The following LAMC3 variants were observed in gnomAD, a reference collection of about 807,000 sequenced individuals.
LAMC3 encodes laminin subunit gamma-3.
Under a neutral mutation model 173.8 loss-of-function variants are expected in LAMC3, and 128 were observed. The observed-to-expected ratio is 0.74, with a 90% confidence interval of 0.64 to 0.85. The LOEUF is 0.85. Among genes scored for constraint, LAMC3 ranks in the 40% least tolerant of loss-of-function variants. The pLI is 0.00. For synonymous variants in LAMC3, 897 were observed against 909.1 expected, an observed-to-expected ratio of 0.99 and a Z score of 0.24; for missense variants, 2,022 against 2,156.0, an observed-to-expected ratio of 0.94 and a Z score of 1.23.
At chr9:131,044,552 T>A (rs781378352) in intron 7 of LAMC3, among the ~76,000 whole-genome samples, 1 of 152,136 alleles carries the variant, frequency 6.6e-6, no homozygotes, top group Non-Finnish European at 1.5e-5. Context: ...TCCGGCCTAT[T>A]CAGTGACTTG....
At chr9:131,072,912 G>A in intron 19 of LAMC3, 77 bp downstream of exon 19, 4 of 1,375,286 alleles carry the variant, frequency 2.9e-6, no homozygotes, top group Non-Finnish European at 4.1e-6. Flanking sequence ...CATTGACCTG[G>A]TGACCTTGGG....
intron 1 of LAMC3, among the ~76,000 whole-genome samples, chr9:131,017,049 G>A (rs1257723967): frequency 1.3e-5 from 2 of 152,216 alleles, no homozygotes; most frequent in South Asian, 2.1e-4. Context: ...GAAAGCGTGC[G>A]GAGCAAACAG....
Position 131,052,844 on chromosome 9 carries a change from C to A in LAMC3, c.1824-6C>A. Reference sequence around the variant, plus strand: ...GGGATCTCACTTTGACCGCTTCTCTCGCCAGCCTGCAGGAGACCTCCGAGG... The same window carrying A: ...GGGATCTCACTTTGACCGCTTCTCTAGCCAGCCTGCAGGAGACCTCCGAGG... On this transcript the variant is annotated splice_polypyrimidine_tract_variant and splice_region_variant and intron_variant, in intron 10 of 27. Transcript: ENST00000361069. The A allele has an allele frequency of 6.3e-7, 1 of 1,598,540 alleles. No homozygotes were observed. The highest frequency in any genetic ancestry group is 8.6e-7 in the Non-Finnish European group (1 of 1,166,616).
At chr9:131,079,530 T>C (rs963338550) in intron 23 of LAMC3, among the ~76,000 whole-genome samples, 53 of 151,946 alleles carry the variant, frequency 3.5e-4, no homozygotes, top group African/African-American at 1.2e-3. Flanking sequence ...CCATCTCTAC[T>C]AAAAATACAA....
chr9:131,084,685 C>T (rs1830299437), intron 24 of LAMC3, among the ~76,000 whole-genome samples: 1 of 151,880 alleles, frequency 6.6e-6, no homozygotes, highest in South Asian at 2.1e-4. Flanking sequence ...TCACTTAAAG[C>T]CAGGAATTTG....
In LAMC3 at chr9:131,009,426, G is replaced by C. The variant is rs1413696234; in HGVS notation, c.212G>C (p.Gly71Ala). 9.7e-6 allele frequency: 15 copies of C among 1,541,986 alleles called. No homozygotes were observed. Among genetic ancestry groups the C allele is most frequent in the Non-Finnish European group, 1.3e-5 (15 of 1,145,186 alleles). The change falls in exon 1 of 28, where the codon GGG (glycine) becomes GCG (alanine). Residue 71 changes from glycine (G) to alanine (A), a missense_variant. By Grantham distance (60) the Gly-to-Ala change is moderately conservative. Coordinates refer to ENST00000361069, the MANE Select transcript of LAMC3 (RefSeq NM_006059.4). This position sits in a 1 kb window ranked among gnomAD's most constrained non-coding sequence, Gnocchi z 4.3. ...FCPHVGAAGAGAHCQRCDAAD... is the reference protein window; with the variant it reads ...FCPHVGAAGAAAHCQRCDAAD... Reference sequence around the variant, plus strand: ...CCCCACGTGGGCGCCGCGGGCGCGGGGGCTCATTGCCAGCGCTGCGACGCC... The same window carrying C: ...CCCCACGTGGGCGCCGCGGGCGCGGCGGCTCATTGCCAGCGCTGCGACGCC...
At chr9:131,015,418 C>T (rs1446284726) in intron 1 of LAMC3, among the ~76,000 whole-genome samples, 3 of 152,276 alleles carry the variant, frequency 2.0e-5, no homozygotes, top group African/African-American at 4.8e-5. Flanking sequence ...CCCTTGTCCC[C>T]GGGCAAGCCC....
At position 131,040,430 on chromosome 9, in the gene LAMC3, C is replaced by T. The variant is rs141778213; in HGVS notation, c.1283+1182C>T. 3.3e-5 allele frequency among the ~76,000 whole-genome samples: 5 copies of T among 152,148 alleles called. No individual in the cohort carries two copies. In the South Asian group the frequency reaches 8.3e-4, roughly 25 times the overall value. The stretch of plus-strand genomic sequence containing the variant: ...CTGGGCTCAAGTAATCCACCCTCCT[C>T]GGCTTCCCAAAGTGCTGATTACAGA... On this transcript the variant is annotated intron_variant, in intron 6 of 27. Transcript: ENST00000361069.
chr9:131,051,447 C>G (rs1430586136), intron 9 of LAMC3, among the ~76,000 whole-genome samples: 1 of 147,284 alleles, frequency 6.8e-6, no homozygotes, highest in Non-Finnish European at 1.5e-5. Flanking sequence ...TCACTGCAAC[C>G]TCTGCCTTCT....
intron 1 of LAMC3, among the ~76,000 whole-genome samples, chr9:131,020,604 G>A (rs1444357679): frequency 6.6e-6 from 1 of 152,200 alleles, no homozygotes; most frequent in Non-Finnish European, 1.5e-5. Context: ...AAACATGACT[G>A]AGACATGACT....
At position 131,075,844 on chromosome 9, in the gene LAMC3, G is replaced by A. The variant is rs200194697; in HGVS notation, c.3508G>A (p.Ala1170Thr). The A allele has an allele frequency of 1.1e-5, 18 of 1,611,554 alleles. No homozygotes were observed. Among genetic ancestry groups the A allele is most frequent in the East Asian group, 4.5e-5 (2 of 44,828 alleles). The change falls in exon 21 of 28, where the codon GCC becomes ACC. Residue 1170 changes from alanine (A) to threonine (T), a missense_variant. By Grantham distance (58) the Ala-to-Thr change is moderately conservative. Coordinates refer to ENST00000361069, the MANE Select transcript of LAMC3 (RefSeq NM_006059.4). ...GTCCTCACACAGCCACAGAGACACC[G>A]CCACCAAGATCGCAGCCACTGCTTG... ...RALARSHRDT[A>T]TKIAATAWRA...
In LAMC3 at chr9:131,067,182, C is replaced by T; in HGVS notation, c.2570C>T (p.Pro857Leu). 6.2e-7 allele frequency: 1 copy of T among 1,614,082 alleles called. No individual in the cohort carries two copies. Among genetic ancestry groups the T allele is most frequent in the Non-Finnish European group, 8.5e-7 (1 of 1,180,016 alleles). ...GGCTTCTACGGGAGCGCCCTGGCCCCTCGACCCGCAGACAAATGCATGCGT... is the reference window on the plus strand; with the variant it reads ...GGCTTCTACGGGAGCGCCCTGGCCCTTCGACCCGCAGACAAATGCATGCGT... The part of the protein sequence containing the change: ...QEGFYGSALA[P>L]RPADKCMPCS... The change falls in exon 14 of 28, where the codon CCT (proline) becomes CTT (leucine). Residue 857 changes from proline to leucine, a missense_variant. Transcript: ENST00000361069.
Position 131,009,464 on chromosome 9 carries a change from C to T in LAMC3, c.250C>T (p.Arg84Cys). ...GCGCTGCGACGCCGCCGACCCCCAGCGCCACCACAACGCCTCCTACCTCAC... is the reference window on the plus strand; with the variant it reads ...GCGCTGCGACGCCGCCGACCCCCAGTGCCACCACAACGCCTCCTACCTCAC... ...CQRCDAADPQ[R>C]HHNASYLTDF... The change falls in exon 1 of 28, where the codon CGC (arginine) becomes TGC (cysteine). Residue 84 changes from arginine (R) to cysteine (C), a missense_variant. Physicochemically the swap from Arg to Cys is radical, Grantham distance 180. Coordinates refer to ENST00000361069, the MANE Select transcript of LAMC3 (RefSeq NM_006059.4). This position sits in a 1 kb window ranked among gnomAD's most constrained non-coding sequence, Gnocchi z 4.3. 6.5e-7 allele frequency: 1 copy of T among 1,548,300 alleles called. No individual in the cohort carries two copies. The highest frequency in any genetic ancestry group is 1.4e-5 in the African/African-American group (1 of 73,070).
chr9:131,053,889 A>G (rs1250181050), intron 11 of LAMC3, among the ~76,000 whole-genome samples: 1 of 152,112 alleles, frequency 6.6e-6, no homozygotes, highest in African/African-American at 2.4e-5. Flanking sequence ...CTGCACCTGT[A>G]ATTCCAGCTA....
At chr9:131,020,324 G>A (rs772250457) in intron 1 of LAMC3, among the ~76,000 whole-genome samples, 7 of 152,212 alleles carry the variant, frequency 4.6e-5, no homozygotes, top group Non-Finnish European at 7.3e-5. Flanking sequence ...ACTTCTGGGT[G>A]TGGTGACTCC....
At position 131,039,472 on chromosome 9, in the gene LAMC3, C is replaced by T. The variant is rs538345186; in HGVS notation, c.1283+224C>T. The stretch of plus-strand genomic sequence containing the variant: ...CCCTGTGGAAGCTCAGCGGATCTTG[C>T]AGGTGGAGGGCAGGCTTCCTGTAGG... On this transcript the variant is annotated intron_variant, in intron 6 of 27. Transcript: ENST00000361069. Among the ~76,000 whole-genome samples, 7 of 151,614 alleles carry T rather than the reference C, an allele frequency of 4.6e-5. No homozygotes were observed. In the South Asian group the frequency reaches 6.3e-4, roughly 14 times the overall value.
rs1445173913 is a variant in LAMC3, at chr9:131,079,391, A to G, written c.3927+93A>G. On this transcript the variant is annotated intron_variant, in intron 23 of 27. Coordinates refer to ENST00000361069, the MANE Select transcript of LAMC3 (RefSeq NM_006059.4). Reference sequence around the variant, plus strand: ...TCAGGGTTGCAGGAGGGAGAAGGGCAGAGACAGAAGTAGCTCTGTCCGGCC... The same window carrying G: ...TCAGGGTTGCAGGAGGGAGAAGGGCGGAGACAGAAGTAGCTCTGTCCGGCC... The G allele has an allele frequency of 3.4e-6, 5 of 1,481,364 alleles. No individual in the cohort carries two copies. The African/African-American group carries it at 7.0e-5, about 21-fold the overall frequency. 91.8% of individuals were successfully genotyped at this position (1,481,364 alleles called of 1,614,324 possible).
intron 13 of LAMC3, among the ~76,000 whole-genome samples, chr9:131,064,491 A>G (rs13287974): frequency 0.83 from 125,977 of 151,700 alleles, 52,572 homozygotes; most frequent in African/African-American, 0.84. Flanking sequence ...GTGAAACCCC[A>G]TCTCTAGTAA....
chr9:131,088,831 C>T (rs986337796), intron 27 of LAMC3, among the ~76,000 whole-genome samples: 4 of 151,986 alleles, frequency 2.6e-5, no homozygotes, highest in African/African-American at 9.7e-5. Flanking sequence ...CCTGTAATCC[C>T]AGCACTTTGA....
Sources: gnomAD v4.1 joint callset for allele counts (sites outside exome capture counted in the v4.1 genomes callset) on GRCh38, gnomAD v4.1.1 for gene constraint, Gnocchi (gnomAD v3.1) non-coding constraint, MANE v1.5 for transcripts, NCBI Gene and HGNC (gene_info 2026-07-23, HGNC 2026-07-21) for gene names.